The following PPFIA2 variants were observed in gnomAD, a reference collection of about 807,000 sequenced individuals.
PPFIA2 encodes the protein PPFI scaffold protein A2, also known as liprin-alpha-2.
PPFIA2 carries 46 observed loss-of-function variants against 175.5 expected under a neutral mutation model. The observed-to-expected ratio is 0.26, with a 90% CI of 0.21 to 0.34. PPFIA2 has a LOEUF of 0.34. Ranked by LOEUF, PPFIA2 falls within the 10% of genes least tolerant of loss-of-function variation. The probability of loss-of-function intolerance (pLI) is 1.00; values close to 1 mark genes in which losing one functional copy is unlikely to be tolerated. For synonymous variants in PPFIA2, 568 were observed against 511.4 expected (o/e 1.11, Z -1.49); for missense variants, 1,179 against 1,506.1 (o/e 0.78, Z 3.60).
chr12:81,440,734 C>T (rs2050022667), intron 6 of PPFIA2, among the ~76,000 whole-genome samples: 1 of 151,120 alleles, frequency 6.6e-6, no homozygotes, highest in Non-Finnish European at 1.5e-5. Flanking sequence ...AACTGAAACT[C>T]GAAGAAGTAT....
intron 3 of PPFIA2, among the ~76,000 whole-genome samples, chr12:81,730,079 T>C (rs530814184): frequency 6.6e-6 from 1 of 151,568 alleles, no homozygotes; most frequent in Non-Finnish European, 1.5e-5. Context: ...AATTGTGAGA[T>C]AATAAATGTG....
intron 4 of PPFIA2, among the ~76,000 whole-genome samples, chr12:81,649,502 C>T (rs2400958): frequency 0.063 from 9,518 of 152,116 alleles, 413 homozygotes; most frequent in East Asian, 0.25. Context: ...CAAATGTATG[C>T]CATTTTCTTA....
chr12:81,291,019 C>T (rs2044813706), intron 24 of PPFIA2, among the ~76,000 whole-genome samples: 1 of 151,404 alleles, frequency 6.6e-6, no homozygotes, highest in Non-Finnish European at 1.5e-5. Flanking sequence ...CACTACATTA[C>T]TAAATTTACA....
intron 22 of PPFIA2, among the ~76,000 whole-genome samples, chr12:81,313,057 T>C (rs2051336138): frequency 1.3e-5 from 2 of 152,104 alleles, no homozygotes; most frequent in African/African-American, 4.8e-5. Context: ...ATTATATTGG[T>C]TCACCAATAT....
chr12:81,658,799 G>A (rs2153542832), intron 4 of PPFIA2, among the ~76,000 whole-genome samples: 2 of 151,932 alleles, frequency 1.3e-5, no homozygotes, highest in African/African-American at 4.8e-5. Flanking sequence ...AACATAAATA[G>A]AAAAGGAAGG....
At chr12:81,445,205 G>GC in intron 6 of PPFIA2, among the ~76,000 whole-genome samples, 1 of 125,122 alleles carries the variant, frequency 8.0e-6, no homozygotes, top group African/African-American at 3.7e-5. Flanking sequence ...AAAGACCAAG[G>GC]TGGGGGGGGG....
At chr12:81,275,408 C>T (rs528309649) in intron 28 of PPFIA2, among the ~76,000 whole-genome samples, 4 of 152,214 alleles carry the variant, frequency 2.6e-5, no homozygotes, top group African/African-American at 9.6e-5. Flanking sequence ...CAAGCCCGTT[C>T]CATTAGAACT....
chr12:81,414,171 C>T (rs1046708738), intron 7 of PPFIA2, among the ~76,000 whole-genome samples: 7 of 151,672 alleles, frequency 4.6e-5, no homozygotes, highest in African/African-American at 1.7e-4. Context: ...TCCTTCAAAA[C>T]ATTTTAAAAA....
intron 28 of PPFIA2, among the ~76,000 whole-genome samples, chr12:81,272,032 A>T (rs1230462581): frequency 1.3e-5 from 2 of 152,112 alleles, no homozygotes; most frequent in Admixed American, 6.5e-5. Flanking sequence ...TCAGCATTTT[A>T]AGGTAATAAT....
intron 28 of PPFIA2, among the ~76,000 whole-genome samples, chr12:81,272,631 C>T (rs951384164): frequency 2.0e-5 from 3 of 152,000 alleles, no homozygotes; most frequent in East Asian, 3.9e-4. Flanking sequence ...GGATATGTTT[C>T]TTTTTTCTGA....
chr12:81,277,803 T>G (rs995981151), intron 27 of PPFIA2, among the ~76,000 whole-genome samples: 1 of 152,182 alleles, frequency 6.6e-6, no homozygotes, highest in African/African-American at 2.4e-5. Context: ...AAATGGATAC[T>G]CTCTTCTTAA....
intron 4 of PPFIA2, among the ~76,000 whole-genome samples, chr12:81,657,702 G>A (rs1405016637): frequency 6.6e-6 from 1 of 152,114 alleles, no homozygotes; most frequent in Non-Finnish European, 1.5e-5. Flanking sequence ...AGTTGCAGTA[G>A]CTAGCTTTTG....
At chr12:81,741,839 T>C (rs1252181408) in intron 3 of PPFIA2, among the ~76,000 whole-genome samples, 1 of 152,156 alleles carries the variant, frequency 6.6e-6, no homozygotes, top group Non-Finnish European at 1.5e-5. Context: ...TAGGTGGTTA[T>C]AAGTGCTTTG....
chr12:81,351,242 T>C (rs1446168342), intron 17 of PPFIA2, among the ~76,000 whole-genome samples: 1 of 152,158 alleles, frequency 6.6e-6, no homozygotes, highest in Non-Finnish European at 1.5e-5. Context: ...TATCACCATA[T>C]GTTTTATTGC....
chr12:81,532,943 T>C (rs913471394), intron 4 of PPFIA2, among the ~76,000 whole-genome samples: 2 of 150,804 alleles, frequency 1.3e-5, no homozygotes, highest in South Asian at 4.2e-4. Context: ...CAAGAAGGCA[T>C]CTTCATTTAA....
intron 22 of PPFIA2, among the ~76,000 whole-genome samples, chr12:81,305,826 G>A (rs565979588): frequency 2.0e-5 from 3 of 152,184 alleles, no homozygotes; most frequent in South Asian, 4.2e-4. Context: ...GGTAAAACTT[G>A]AATTTGTTAG....
intron 2 of PPFIA2, 81 bp downstream of exon 2, chr12:81,758,319 C>G (rs773099925): frequency 1.2e-4 from 53 of 449,292 alleles, no homozygotes; most frequent in Non-Finnish European, 2.2e-4. Context: ...TCTCATCTTC[C>G]CTGGGGGCGG....
At chr12:81,402,167 C>A (rs554752769) in intron 8 of PPFIA2, among the ~76,000 whole-genome samples, 2 of 152,154 alleles carry the variant, frequency 1.3e-5, no homozygotes, top group African/African-American at 4.8e-5. Flanking sequence ...GTAATCCTTC[C>A]AACTAGGATT....
chr12:81,260,518 C>T lies in PPFIA2; in HGVS notation c.*34-858G>A, dbSNP rs529789191. On this transcript the variant is annotated intron_variant, in intron 32 of 32. Coordinates refer to ENST00000549396, the MANE Select transcript of PPFIA2 (RefSeq NM_003625.5). ...TATTTTGGGAGACCTCTTATTTAGC[C>T]AAATTATTATATACTTTAAATCATG... 108 of 152,156 alleles carry T rather than the reference C, an allele frequency of 7.1e-4. 2 individuals carry two copies. Among genetic ancestry groups the T allele is most frequent in the African/African-American group, 2.5e-3 (104 of 41,532 alleles). The allele number at this position is 152,156 out of a possible 1,614,324, so 9.4% of individuals were successfully genotyped here.
Sources: allele counts gnomAD v4.1 joint callset (sites outside exome capture counted in the v4.1 genomes callset), GRCh38; gene constraint gnomAD v4.1.1; transcripts MANE v1.5; gene names NCBI Gene and HGNC (gene_info 2026-07-23, HGNC 2026-07-21).